PTPN4: variants seen among roughly 807,000 people sequenced by gnomAD.
PTPN4 encodes protein tyrosine phosphatase non-receptor type 4.
A neutral mutation model predicts 135.5 loss-of-function variants in PTPN4; 49 were observed. The observed-to-expected ratio is 0.36, with a 90% confidence interval of 0.29 to 0.46. The LOEUF (loss-of-function observed/expected upper bound fraction) is 0.46. Among genes scored for constraint, PTPN4 ranks in the 20% least tolerant of loss-of-function variants. PTPN4 has a pLI of 1.00. For synonymous variants in PTPN4, 333 were observed against 369.9 expected (o/e 0.90, Z 1.14); for missense variants, 860 against 1,101.0 (o/e 0.78, Z 3.10).
chr2:119,910,527 T>C (rs1369277089), intron 10 of PTPN4, among the ~76,000 whole-genome samples: 1 of 152,144 alleles, frequency 6.6e-6, no homozygotes, highest in African/African-American at 2.4e-5. Context: ...ATTGATATGG[T>C]TTGGCTCTGT....
intron 15 of PTPN4, 81 bp downstream of exon 15, chr2:119,935,039 A>C (rs1182663601): frequency 1.3e-5 from 18 of 1,410,728 alleles, no homozygotes; most frequent in Non-Finnish European, 1.7e-5. Flanking sequence ...GGAAATTAGG[A>C]TATTCGATAC....
intron 4 of PTPN4, 28 bp downstream of exon 4, chr2:119,877,393 T>C: frequency 6.2e-7 from 1 of 1,610,248 alleles, no homozygotes; most frequent in Non-Finnish European, 8.5e-7. Flanking sequence ...CTTAATGTTT[T>C]GCAAGTTTAC....
chr2:119,913,581 GGAGTTT>G (rs1408990683), intron 10 of PTPN4, among the ~76,000 whole-genome samples: 10 of 152,152 alleles, frequency 6.6e-5, no homozygotes, highest in African/African-American at 2.4e-4. Context: ...CTTGAGCCTA[GGAGTTT>G]GAGGCCAGGC....
chr2:119,969,498 G>A (rs553803195), intron 26 of PTPN4, among the ~76,000 whole-genome samples: 1 of 146,814 alleles, frequency 6.8e-6, no homozygotes, highest in East Asian at 2.1e-4. Flanking sequence ...GATAAGGATT[G>A]ATTTTCCTTT....
intron 2 of PTPN4, among the ~76,000 whole-genome samples, chr2:119,834,291 C>T (rs1458676766): frequency 3.9e-5 from 6 of 152,044 alleles, no homozygotes; most frequent in African/African-American, 4.8e-5. Context: ...CTCTCATCAC[C>T]TCTCCCCAAA....
intron 12 of PTPN4, among the ~76,000 whole-genome samples, chr2:119,922,907 A>C (rs1359473486): frequency 1.3e-5 from 2 of 152,204 alleles, no homozygotes; most frequent in African/African-American, 4.8e-5. Flanking sequence ...GTCTGTCAGC[A>C]AATTTATCCA....
At chr2:119,762,520 G>GT (rs1182368908) in intron 1 of PTPN4, among the ~76,000 whole-genome samples, 1 of 152,088 alleles carries the variant, frequency 6.6e-6, no homozygotes, top group Non-Finnish European at 1.5e-5. Flanking sequence ...ATGGTTTTTA[G>GT]TAAGTTGTCT....
intron 1 of PTPN4, among the ~76,000 whole-genome samples, chr2:119,796,579 G>A (rs761588759): frequency 6.6e-6 from 1 of 152,082 alleles, no homozygotes; most frequent in Non-Finnish European, 1.5e-5. Context: ...ATATACTACA[G>A]GTCAATTAAT....
At chr2:119,766,534 G>A (rs924573337) in intron 1 of PTPN4, among the ~76,000 whole-genome samples, 4 of 151,180 alleles carry the variant, frequency 2.6e-5, no homozygotes, top group Admixed American at 1.3e-4. Flanking sequence ...GTGCCCTTGC[G>A]TTACTGGTGC....
At chr2:119,892,765 A>T (rs1678260347) in intron 9 of PTPN4, among the ~76,000 whole-genome samples, 1 of 150,716 alleles carries the variant, frequency 6.6e-6, no homozygotes, top group African/African-American at 2.4e-5. Context: ...TCTGTCATCC[A>T]GGCTGGAGTG....
At chr2:119,849,412 C>T (rs1180959501) in intron 2 of PTPN4, among the ~76,000 whole-genome samples, 1 of 151,944 alleles carries the variant, frequency 6.6e-6, no homozygotes, top group African/African-American at 2.4e-5. Flanking sequence ...GTTGATCTTC[C>T]CCCTCAGCCT....
chr2:119,808,343 A>C (rs1004325778), intron 1 of PTPN4, among the ~76,000 whole-genome samples: 1 of 152,226 alleles, frequency 6.6e-6, no homozygotes, highest in South Asian at 2.1e-4. Context: ...ATCTCAGCCC[A>C]AAATCTCCTT....
chr2:119,811,653 G>A (rs1225863757), intron 2 of PTPN4, among the ~76,000 whole-genome samples: 2 of 151,974 alleles, frequency 1.3e-5, no homozygotes, highest in African/African-American at 2.4e-5. Flanking sequence ...TTTGGAAAAG[G>A]CATAAATTTA....
chr2:119,969,233 G>GAACTCCTGGGTTCAAGCTGTCCTGCC (rs1679491794), intron 26 of PTPN4, among the ~76,000 whole-genome samples: 1 of 152,030 alleles, frequency 6.6e-6, no homozygotes, highest in Non-Finnish European at 1.5e-5. Context: ...GGCTGGTCTT[G>GAACTCCTGGGTTCAAGCTGTCCTGCC]AACTCCTGGG....
At chr2:119,827,973 G>A (rs1410767044) in intron 2 of PTPN4, among the ~76,000 whole-genome samples, 3 of 152,154 alleles carry the variant, frequency 2.0e-5, no homozygotes, top group Admixed American at 2.0e-4. Context: ...AATCTTGGCT[G>A]GCTTCTAAGT....
chr2:119,966,263 C>G (rs922871496), intron 25 of PTPN4, among the ~76,000 whole-genome samples: 2 of 152,000 alleles, frequency 1.3e-5, no homozygotes, highest in African/African-American at 4.8e-5. Context: ...AAGGTCCCAC[C>G]TTTTCTTTTT....
At chr2:119,855,402 G>T (rs1447905830) in intron 2 of PTPN4, among the ~76,000 whole-genome samples, 1 of 152,134 alleles carries the variant, frequency 6.6e-6, no homozygotes, top group Non-Finnish European at 1.5e-5. Context: ...GTTTATCCAG[G>T]AGCCGCAAAG....
Position 119,946,401 on chromosome 2 carries a change from G to A in PTPN4, c.1576G>A (p.Gly526Arg), listed in dbSNP as rs1159003663. 1.2e-6 allele frequency: 2 copies of A among 1,610,758 alleles called. No individual in the cohort carries two copies. Among genetic ancestry groups the A allele is most frequent in the Non-Finnish European group, 1.7e-6 (2 of 1,178,074 alleles). Reference sequence around the variant, plus strand: ...AATCAGAATGAAACCTGATGAAAATGGGAGGTTTGGATTCAATGTAAAGGT... The same window carrying A: ...AATCAGAATGAAACCTGATGAAAATAGGAGGTTTGGATTCAATGTAAAGGT... ...VLIRMKPDEN[G>R]RFGFNVKGGY... The change falls in exon 17 of 27, where the codon GGG (glycine) becomes AGG (arginine). Residue 526 changes from glycine (G) to arginine (R), a missense_variant. Transcript: ENST00000263708.
intron 1 of PTPN4, among the ~76,000 whole-genome samples, chr2:119,774,880 A>T (rs1186345855): frequency 1.3e-5 from 2 of 152,068 alleles, no homozygotes; most frequent in East Asian, 3.9e-4. Flanking sequence ...AAAATTAGGC[A>T]TGGTGGCATG....
Sources: allele counts gnomAD v4.1 joint callset (sites outside exome capture counted in the v4.1 genomes callset), GRCh38; gene constraint gnomAD v4.1.1; transcripts MANE v1.5; gene names NCBI Gene and HGNC (gene_info 2026-07-23, HGNC 2026-07-21).